ZNF644: variants seen among roughly 807,000 people sequenced by gnomAD.
ZNF644 encodes zinc finger protein 644.
A neutral mutation model predicts 108.0 loss-of-function variants in ZNF644; 20 were observed. The observed-to-expected ratio is 0.19, with a 90% CI of 0.13 to 0.27. The LOEUF is 0.27. Among genes scored for constraint, ZNF644 ranks in the 10% least tolerant of loss-of-function variants. The probability of loss-of-function intolerance (pLI) is 1.00; values close to 1 mark genes in which losing one functional copy is unlikely to be tolerated. For synonymous variants in ZNF644, 542 were observed against 539.1 expected (o/e 1.01, Z -0.08); for missense variants, 1,338 against 1,548.9 (o/e 0.86, Z 2.29).
chr1:90,993,120 C>G (rs1229046896), intron 1 of ZNF644, among the ~76,000 whole-genome samples: 1 of 152,020 alleles, frequency 6.6e-6, no homozygotes, highest in Non-Finnish European at 1.5e-5. Context: ...ATAAGAAACA[C>G]CAGTGGAATC....
intron 1 of ZNF644, among the ~76,000 whole-genome samples, chr1:91,011,115 T>C (rs1659924944): frequency 3.3e-5 from 5 of 152,310 alleles, no homozygotes; most frequent in African/African-American, 1.2e-4. Flanking sequence ...TCATATACTT[T>C]TTTCAATGTC....
chr1:90,922,335 G>A (rs114242115), intron 4 of ZNF644, among the ~76,000 whole-genome samples: 1 of 152,142 alleles, frequency 6.6e-6, no homozygotes, highest in African/African-American at 2.4e-5. Context: ...AAAGTAAGAG[G>A]CACAGTATAC....
intron 2 of ZNF644, among the ~76,000 whole-genome samples, chr1:90,943,314 G>A (rs907885543): frequency 3.9e-5 from 6 of 152,054 alleles, no homozygotes; most frequent in African/African-American, 1.4e-4. Context: ...GGTGGTGGGT[G>A]CCTGTAGTCC....
intron 2 of ZNF644, among the ~76,000 whole-genome samples, chr1:90,954,247 G>C (rs150580357): frequency 6.6e-6 from 1 of 152,046 alleles, no homozygotes; most frequent in African/African-American, 2.4e-5. Flanking sequence ...CTTTACTGAC[G>C]TAATATTCTA....
At chr1:91,009,238 T>TA (rs1312408188) in intron 1 of ZNF644, among the ~76,000 whole-genome samples, 1 of 152,178 alleles carries the variant, frequency 6.6e-6, no homozygotes, top group Non-Finnish European at 1.5e-5. Flanking sequence ...TGAGAATGTT[T>TA]AAAATGTAAA....
chr1:90,993,191 T>G (rs997316239), intron 1 of ZNF644, among the ~76,000 whole-genome samples: 2 of 152,016 alleles, frequency 1.3e-5, no homozygotes, highest in Non-Finnish European at 2.9e-5. Flanking sequence ...ATACTTCTGC[T>G]CTTTCCTTCA....
chr1:90,974,786 T>C (rs1193962843), intron 2 of ZNF644, among the ~76,000 whole-genome samples: 1 of 152,196 alleles, frequency 6.6e-6, no homozygotes, highest in Non-Finnish European at 1.5e-5. Context: ...GTTCATTTGC[T>C]AAAACAGATA....
At chr1:90,953,094 T>C (rs142315591) in intron 2 of ZNF644, among the ~76,000 whole-genome samples, 18 of 150,940 alleles carry the variant, frequency 1.2e-4, no homozygotes, top group Non-Finnish European at 5.9e-5. Context: ...TGTCACAACG[T>C]TGCCTTAAGA....
At chr1:90,949,767 G>C (rs987225097) in intron 2 of ZNF644, among the ~76,000 whole-genome samples, 1 of 152,166 alleles carries the variant, frequency 6.6e-6, no homozygotes, top group Admixed American at 6.5e-5. Context: ...TTATGTAAAG[G>C]TCTGGAGCAT....
At chr1:90,925,677 C>T (rs948080614) in intron 4 of ZNF644, among the ~76,000 whole-genome samples, 2 of 150,022 alleles carry the variant, frequency 1.3e-5, no homozygotes, top group Non-Finnish European at 3.0e-5. Flanking sequence ...CTAGATAAGA[C>T]TTGCATGAAA....
At position 90,938,119 on chromosome 1, in the gene ZNF644, AGACT is replaced by A. The variant is rs749649937; in HGVS notation, c.3083-33_3083-30del. On this transcript the variant is annotated intron_variant, in intron 3 of 5. Transcript: ENST00000337393. This position sits in a 1 kb window ranked among gnomAD's most constrained non-coding sequence, Gnocchi z 4.2. The stretch of plus-strand genomic sequence containing the variant: ...GAAAAAAATTTTTAAGAGTAATATC[AGACT>A]TTCTTATATAAACTGACCACCCTAA... 55 of 1,609,768 alleles carry A rather than the reference AGACT, an allele frequency of 3.4e-5. 1 individual carries two copies. In the South Asian group the frequency reaches 6.1e-4, roughly 18 times the overall value.
intron 1 of ZNF644, among the ~76,000 whole-genome samples, chr1:90,991,815 T>C (rs1347799703): frequency 6.6e-6 from 1 of 152,138 alleles, no homozygotes; most frequent in Non-Finnish European, 1.5e-5. Context: ...GGAATTACAA[T>C]TCAACATGAG....
At chr1:90,975,281 T>G (rs1001623763) in intron 2 of ZNF644, among the ~76,000 whole-genome samples, 15 of 152,200 alleles carry the variant, frequency 9.9e-5, no homozygotes, top group Non-Finnish European at 2.1e-4. Context: ...TTAGTTATCT[T>G]TTCTCCTCAG....
At position 90,939,238 on chromosome 1, in the gene ZNF644, G is replaced by T. The variant is rs908368905; in HGVS notation, c.2116C>A (p.His706Asn). The T allele has an allele frequency of 3.7e-6, 6 of 1,613,984 alleles. No individual in the cohort carries two copies. In the Admixed American group the frequency reaches 6.7e-5, roughly 18 times the overall value. ...VNMCNQNSSP[H>N]KNVTIKSSVD... ...CTGCTTTTAATTGTAACATTCTTAT[G>T]AGGAGAGCTGTTTTGATTGCACATG... Residue 706 changes from histidine (H) to asparagine (N), a missense_variant, in exon 3 of 6, where the codon CAT becomes AAT. Coordinates refer to ENST00000337393, the MANE Select transcript of ZNF644 (RefSeq NM_201269.3).
chr1:91,007,807 T>TGTC (rs1557659255), intron 1 of ZNF644, among the ~76,000 whole-genome samples: 1 of 152,232 alleles, frequency 6.6e-6, no homozygotes, highest in Non-Finnish European at 1.5e-5. Context: ...TACAAAAACT[T>TGTC]GTCTTCTTCT....
At chr1:91,017,167 TA>T (rs902304959) in intron 1 of ZNF644, among the ~76,000 whole-genome samples, 1 of 151,998 alleles carries the variant, frequency 6.6e-6, no homozygotes, top group Non-Finnish European at 1.5e-5. Flanking sequence ...ATTTTCAACT[TA>T]AAAAAAAGAT....
intron 2 of ZNF644, among the ~76,000 whole-genome samples, chr1:90,975,669 C>T (rs1473394723): frequency 1.3e-5 from 2 of 152,118 alleles, no homozygotes; most frequent in African/African-American, 4.8e-5. Flanking sequence ...GTCTTGAACT[C>T]CTGACCTCAG....
At chr1:90,945,600 T>C (rs1652434103) in intron 2 of ZNF644, among the ~76,000 whole-genome samples, 1 of 152,120 alleles carries the variant, frequency 6.6e-6, no homozygotes, top group African/African-American at 2.4e-5. Flanking sequence ...TTGAGGTTAC[T>C]ACAGAAGAAA....
chr1:90,943,131 C>G (rs1652161405), intron 2 of ZNF644, among the ~76,000 whole-genome samples: 1 of 152,072 alleles, frequency 6.6e-6, no homozygotes, highest in South Asian at 2.1e-4. Context: ...AACATTAAAT[C>G]TAATTCAAGA....
Sources: gnomAD v4.1 joint callset for allele counts (sites outside exome capture counted in the v4.1 genomes callset) on GRCh38, gnomAD v4.1.1 for gene constraint, Gnocchi (gnomAD v3.1) non-coding constraint, MANE v1.5 for transcripts, NCBI Gene and HGNC (gene_info 2026-07-23, HGNC 2026-07-21) for gene names.